Variants in NCOA6 observed in about 807,000 individuals in gnomAD.
NCOA6 encodes the protein NRC RAP250.
A neutral mutation model predicts 171.4 loss-of-function variants in NCOA6; 49 were observed. That is an observed-to-expected ratio of 0.29 (90% confidence interval 0.23 to 0.36). The LOEUF is 0.36. Among genes scored for constraint, NCOA6 ranks in the 10% least tolerant of loss-of-function variants. The probability of loss-of-function intolerance (pLI) is 1.00; values close to 1 mark genes in which losing one functional copy is unlikely to be tolerated. For synonymous variants in NCOA6, 910 were observed against 927.5 expected (o/e 0.98, Z 0.34); for missense variants, 2,248 against 2,554.5 (o/e 0.88, Z 2.59).
At position 34,749,452 on chromosome 20, in the gene NCOA6, T is replaced by C; in HGVS notation, c.2743A>G (p.Lys915Glu). 6.2e-7 allele frequency: 1 copy of C among 1,613,198 alleles called. No individual in the cohort carries two copies. Among genetic ancestry groups the C allele is most frequent in the Non-Finnish European group, 8.5e-7 (1 of 1,179,456 alleles). Residue 915 changes from lysine to glutamate, a missense_variant, in exon 9 of 15, where the codon AAG becomes GAG. Physicochemically the swap from Lys to Glu is moderately conservative, Grantham distance 56 (BLOSUM62 1). This residue lies in a region of NCOA6 where 352 missense variants were observed against 419.1 expected (regional missense o/e 0.84). Transcript: ENST00000359003. The part of the protein sequence containing the change: ...KQNNTNANKP[K>E]KKKPPRKKKN... The stretch of plus-strand genomic sequence containing the variant: ...TTCTTCCGAGGGGGTTTCTTCTTCT[T>C]CGGTTTATTTGCGTTGGTATTATTT...
intron 14 of NCOA6, 34 bp from the exon 15 acceptor site, chr20:34,715,399 G>A (rs763677388): frequency 4.6e-6 from 7 of 1,531,594 alleles, no homozygotes; most frequent in South Asian, 4.5e-5. Flanking sequence ...TTCAGTGGAA[G>A]TAACTCTTTA....
At chr20:34,779,234 C>T (rs1021723007) in intron 3 of NCOA6, among the ~76,000 whole-genome samples, 1 of 151,924 alleles carries the variant, frequency 6.6e-6, no homozygotes, top group African/African-American at 2.4e-5. Flanking sequence ...TATTTGGCTG[C>T]GTGCAGTGGC....
chr20:34,750,511 C>G lies in NCOA6; in HGVS notation c.1684G>C (p.Gly562Arg). 1 of 1,563,230 alleles carries G rather than the reference C, an allele frequency of 6.4e-7. No homozygotes were observed. Among genetic ancestry groups the G allele is most frequent in the Non-Finnish European group, 8.6e-7 (1 of 1,158,508 alleles). Residue 562 changes from glycine to arginine, a missense_variant, in exon 9 of 15, where the codon GGA becomes CGA. By Grantham distance (125) the Gly-to-Arg change is moderately radical. Coordinates refer to ENST00000359003, the MANE Select transcript of NCOA6 (RefSeq NM_014071.5). The part of the protein sequence containing the change: ...NQNVQHAGGQ[G>R]AGPPQNQMQV... ...ATCTGGTTTTGAGGAGGACCAGCTC[C>G]TTGACCACCTTAAAAAAAAAAAAAG...
chr20:34,718,234 A>G (rs1471946937), intron 14 of NCOA6, among the ~76,000 whole-genome samples: 4 of 152,188 alleles, frequency 2.6e-5, no homozygotes, highest in African/African-American at 9.7e-5. Flanking sequence ...TGAAGTCTCT[A>G]TCACCTTCCC....
At chr20:34,823,227 C>A (rs550898709) in intron 1 of NCOA6, among the ~76,000 whole-genome samples, 1 of 152,226 alleles carries the variant, frequency 6.6e-6, no homozygotes, top group African/African-American at 2.4e-5. Context: ...ATTAGAAAAA[C>A]CCAGAATAGG....
chr20:34,785,121 G>A (rs1221563620), intron 2 of NCOA6, among the ~76,000 whole-genome samples: 1 of 151,980 alleles, frequency 6.6e-6, no homozygotes, highest in African/African-American at 2.4e-5. Flanking sequence ...AATTACTACT[G>A]ACTAAACTTC....
intron 4 of NCOA6, among the ~76,000 whole-genome samples, chr20:34,769,521 G>A (rs1324118971): frequency 4.0e-5 from 6 of 151,620 alleles, no homozygotes; most frequent in African/African-American, 1.2e-4. Context: ...CCACCACCAC[G>A]CCCAGCTAAT....
At chr20:34,780,663 AT>A (rs910980075) in intron 3 of NCOA6, among the ~76,000 whole-genome samples, 3 of 143,862 alleles carry the variant, frequency 2.1e-5, no homozygotes, top group Admixed American at 7.0e-5. Context: ...TTTATTATTT[AT>A]TTTTTTTAGA....
At chr20:34,802,097 G>A (rs927426963) in intron 1 of NCOA6, among the ~76,000 whole-genome samples, 30 of 152,230 alleles carry the variant, frequency 2.0e-4, no homozygotes, top group Admixed American at 3.3e-4. Context: ...AAAAAAAGAT[G>A]ATAGACACAG....
At chr20:34,795,592 A>T (rs552664902) in intron 1 of NCOA6, among the ~76,000 whole-genome samples, 39 of 152,372 alleles carry the variant, frequency 2.6e-4, no homozygotes, top group African/African-American at 7.7e-4. Flanking sequence ...CAAAAAGCCA[A>T]AATCTTGGGG....
At chr20:34,759,104 C>T (rs1476744060) in intron 5 of NCOA6, among the ~76,000 whole-genome samples, 171 bp from the exon 6 acceptor site, 11 of 151,682 alleles carry the variant, frequency 7.3e-5, no homozygotes, top group African/African-American at 2.7e-4. Flanking sequence ...ACTGCCATCT[C>T]GACTTCCCGG....
intron 1 of NCOA6, among the ~76,000 whole-genome samples, chr20:34,811,237 G>T (rs1182205235): frequency 4.7e-4 from 16 of 34,260 alleles, no homozygotes; most frequent in South Asian, 1.8e-3. Context: ...ATATATATAT[G>T]CTTTCAAAAT....
intron 1 of NCOA6, among the ~76,000 whole-genome samples, chr20:34,816,068 C>T (rs143283991): frequency 6.6e-6 from 1 of 152,200 alleles, no homozygotes; most frequent in South Asian, 2.1e-4. Flanking sequence ...AACTCCTCAA[C>T]AAACCAGCAA....
intron 1 of NCOA6, chr20:34,809,543 G>T (rs2146593017): frequency 2.5e-6 from 1 of 398,472 alleles, no homozygotes; most frequent in Non-Finnish European, 4.4e-6. Flanking sequence ...AAGAAAAAGG[G>T]CAAGAGGAAG....
chr20:34,746,644 A>G (rs908726631), intron 10 of NCOA6, among the ~76,000 whole-genome samples, 163 bp downstream of exon 10: 4 of 152,220 alleles, frequency 2.6e-5, no homozygotes, highest in Non-Finnish European at 4.4e-5. Context: ...TGAAATTTTT[A>G]CTTAATATCA....
intron 3 of NCOA6, among the ~76,000 whole-genome samples, chr20:34,777,380 T>C (rs1359919324): frequency 6.6e-6 from 1 of 152,048 alleles, no homozygotes; most frequent in Admixed American, 6.6e-5. Context: ...TTTGGGAGGC[T>C]GAGGCTGGTG....
At chr20:34,789,869 AT>A (rs1438242244) in intron 2 of NCOA6, among the ~76,000 whole-genome samples, 1 of 152,184 alleles carries the variant, frequency 6.6e-6, no homozygotes, top group Non-Finnish European at 1.5e-5. Context: ...ATAAAATAAT[AT>A]TCTTCACGGC....
At chr20:34,810,535 G>A (rs2078619723) in intron 1 of NCOA6, among the ~76,000 whole-genome samples, 1 of 151,682 alleles carries the variant, frequency 6.6e-6, no homozygotes, top group South Asian at 2.1e-4. Flanking sequence ...TAACGCCCAT[G>A]CAACCATTTT....
intron 7 of NCOA6, among the ~76,000 whole-genome samples, chr20:34,756,284 C>A (rs2076638143): frequency 6.6e-6 from 1 of 152,146 alleles, no homozygotes; most frequent in African/African-American, 2.4e-5. Context: ...AATATTAGAG[C>A]CTGCATGTCA....
Sources: gnomAD v4.1 joint callset for allele counts (sites outside exome capture counted in the v4.1 genomes callset) on GRCh38, gnomAD v4.1.1 for gene constraint, gnomAD v4.1.1 regional missense constraint, MANE v1.5 for transcripts, NCBI Gene and HGNC (gene_info 2026-07-23, HGNC 2026-07-21) for gene names.